Variants in ZNF133 observed in about 807,000 individuals in gnomAD.
The protein encoded by ZNF133 is zinc finger protein 133 (clone pHZ-13).
A neutral mutation model predicts 54.9 loss-of-function variants in ZNF133; 26 were observed. The ratio of observed to expected loss-of-function variants is 0.47; its 90% CI spans 0.35 to 0.66. The LOEUF is 0.66. ZNF133 is among the 30% of genes least tolerant of loss of function. ZNF133 has a pLI of 0.01. For missense variants in ZNF133, 653 were observed against 820.8 expected (o/e 0.80, Z 2.50); for synonymous variants, 298 against 320.3 (o/e 0.93, Z 0.74).
At chr20:18,298,865 T>C (rs1344803187) in intron 3 of ZNF133, among the ~76,000 whole-genome samples, 1 of 152,056 alleles carries the variant, frequency 6.6e-6, no homozygotes, top group African/African-American at 2.4e-5. Context: ...GGTATACCCA[T>C]GGAAAGGCAC....
intron 1 of ZNF133, among the ~76,000 whole-genome samples, chr20:18,291,709 A>AT (rs35116436): frequency 0.071 from 9,860 of 138,902 alleles, 804 homozygotes; most frequent in African/African-American, 0.21. Context: ...TTCCAGTTGG[A>AT]TTTTTTTTTT....
chr20:18,306,637 C>T (rs2044688810), intron 6 of ZNF133: 2 of 1,173,000 alleles, frequency 1.7e-6, no homozygotes, highest in African/African-American at 1.6e-5. Flanking sequence ...GTGGGTTTCT[C>T]CTCTCTAGCT....
intron 6 of ZNF133, chr20:18,312,799 C>A (rs2046384520): frequency 6.6e-6 from 1 of 152,238 alleles, no homozygotes; most frequent in African/African-American, 2.4e-5. Context: ...ACTGCAACCT[C>A]CGCCACGCAG....
At chr20:18,299,960 G>A (rs986880312) in intron 3 of ZNF133, among the ~76,000 whole-genome samples, 5 of 152,106 alleles carry the variant, frequency 3.3e-5, no homozygotes, top group Non-Finnish European at 5.9e-5. Flanking sequence ...GAGTCTTTCA[G>A]GTTGAAATAA....
intron 6 of ZNF133, chr20:18,310,202 A>G (rs1166319045): frequency 4.8e-6 from 7 of 1,459,828 alleles, no homozygotes; most frequent in Non-Finnish European, 6.3e-6. Flanking sequence ...TGTTGAGCAC[A>G]TTAAAAAGAA....
In ZNF133 at chr20:18,316,291, C is replaced by T; in HGVS notation, c.1440C>T (p.Asn480=). The change falls in exon 7 of 7, where the codon AAC becomes AAT. Residue 480 remains asparagine (N), a synonymous_variant. Transcript: ENST00000425686. ...GCCGGGGCTTCAGCCAGCAATCCAACCTCATCAGACACCAGAGGACGCACT... is the reference window on the plus strand; with the variant it reads ...GCCGGGGCTTCAGCCAGCAATCCAATCTCATCAGACACCAGAGGACGCACT... ...DCGRGFSQQS[N]LIRHQRTHSG... 1 of 1,613,354 alleles carries T rather than the reference C, an allele frequency of 6.2e-7. No individual in the cohort carries two copies. Among genetic ancestry groups the T allele is most frequent in the Non-Finnish European group, 8.5e-7 (1 of 1,179,616 alleles).
intron 3 of ZNF133, among the ~76,000 whole-genome samples, chr20:18,303,795 A>G (rs1380842199): frequency 6.6e-6 from 1 of 152,224 alleles, no homozygotes; most frequent in Non-Finnish European, 1.5e-5. Context: ...ATTAACTGAA[A>G]ATGGATCGAA....
rs544431388 is a variant in ZNF133 at position 18,304,159 on chromosome 20, C to T, written c.-177-849C>T. On this transcript the variant is annotated intron_variant, in intron 3 of 6. Coordinates refer to ENST00000425686, the MANE Select transcript of ZNF133 (RefSeq NM_001352452.2). ...CAATAAGCACCTGAAAAGATGTTCACTATCATTCACATTAGGAAAATACAA... is the reference window on the plus strand; with the variant it reads ...CAATAAGCACCTGAAAAGATGTTCATTATCATTCACATTAGGAAAATACAA... Among the ~76,000 whole-genome samples, 9 of 152,260 alleles carry T rather than the reference C, an allele frequency of 5.9e-5. No individual in the cohort carries two copies. In the East Asian group the frequency reaches 1.5e-3, roughly 26 times the overall value.
At chr20:18,310,409 T>G (rs183592373) in intron 6 of ZNF133, 1 of 1,261,682 alleles carries the variant, frequency 7.9e-7, no homozygotes, top group Admixed American at 3.3e-5. Context: ...AAGAAAAGTA[T>G]TTAATTTTCT....
At chr20:18,302,404 CAAA>C (rs71194236) in intron 3 of ZNF133, among the ~76,000 whole-genome samples, 49 of 114,572 alleles carry the variant, frequency 4.3e-4, no homozygotes, top group African/African-American at 1.2e-3. Context: ...AACTCTGTCT[CAAA>C]AAAAAAAAAA....
At chr20:18,306,650 C>A in intron 6 of ZNF133, 1 of 1,229,488 alleles carries the variant, frequency 8.1e-7, no homozygotes, top group African/African-American at 1.5e-5. Context: ...CTCTAGCTCA[C>A]TCAGTTCTCT....
rs757595500 is a variant in ZNF133, at chr20:18,316,087, CG to C, written c.1240del (p.Val414CysfsTer152). 1 of 1,613,056 alleles carries C rather than the reference CG, an allele frequency of 6.2e-7. No individual in the cohort carries two copies. The highest frequency in any genetic ancestry group is 8.5e-7 in the Non-Finnish European group (1 of 1,179,456). On this transcript the variant is annotated frameshift_variant, in exon 7 of 7. Transcript: ENST00000425686. LOFTEE classifies it high-confidence loss of function. ...ACTCAAAGGAGAAGCCCTATGTGTG[CG>C]GGGTGTGTGGGCACAGCTTCAGCCA... ...THSKEKPYVC[G>X]VCGHSFSQNS... is the part of the protein sequence containing the mutation.
At chr20:18,296,001 T>A (rs1173020653) in intron 1 of ZNF133, among the ~76,000 whole-genome samples, 2 of 152,224 alleles carry the variant, frequency 1.3e-5, no homozygotes, top group Non-Finnish European at 2.9e-5. Context: ...TAAGTAGTTC[T>A]ATAATTTCAT....
chr20:18,293,162 C>G (rs1051789332), intron 1 of ZNF133, among the ~76,000 whole-genome samples: 5 of 152,218 alleles, frequency 3.3e-5, no homozygotes, highest in Non-Finnish European at 7.3e-5. Flanking sequence ...AACTGAGTGG[C>G]TTAGGAGAGC....
At chr20:18,302,067 A>G (rs1386759832) in intron 3 of ZNF133, among the ~76,000 whole-genome samples, 1 of 152,218 alleles carries the variant, frequency 6.6e-6, no homozygotes, top group Non-Finnish European at 1.5e-5. Context: ...ACCAAGTGGA[A>G]TTTATTCCTG....
At chr20:18,297,943 A>G in intron 1 of ZNF133, 42 bp from the exon 2 acceptor site, 10 of 1,355,710 alleles carry the variant, frequency 7.4e-6, no homozygotes, top group Admixed American at 2.0e-5. Context: ...TGGGGAGAGC[A>G]TTTCTACCTG....
chr20:18,298,188 A>C, intron 2 of ZNF133, 101 bp from the exon 3 acceptor site: 1 of 1,515,540 alleles, frequency 6.6e-7, no homozygotes, highest in South Asian at 1.2e-5. Context: ...CCCCTGCCTC[A>C]GCATCACTTT....
chr20:18,295,905 A>G (rs1212211731), intron 1 of ZNF133, among the ~76,000 whole-genome samples: 2 of 152,074 alleles, frequency 1.3e-5, no homozygotes, highest in Non-Finnish European at 2.9e-5. Context: ...TTTTATTTGT[A>G]AAAGTACTTA....
intron 6 of ZNF133, chr20:18,314,391 T>C (rs1392113817): frequency 6.6e-6 from 1 of 152,246 alleles, no homozygotes; most frequent in African/African-American, 2.4e-5. Flanking sequence ...TTTACACTAA[T>C]TATGGAAATA....
Sources: gnomAD v4.1 joint callset for allele counts (sites outside exome capture counted in the v4.1 genomes callset) on GRCh38, gnomAD v4.1.1 for gene constraint, MANE v1.5 for transcripts, NCBI Gene and HGNC (gene_info 2026-07-23, HGNC 2026-07-21) for gene names.